CPAMD8: variants seen among roughly 807,000 people sequenced by gnomAD.
CPAMD8 encodes the protein C3 and PZP-like alpha-2-macroglobulin domain-containing protein 8.
CPAMD8 carries 146 observed loss-of-function variants against 224.7 expected under a neutral mutation model. The ratio of observed to expected loss-of-function variants is 0.65; its 90% CI spans 0.57 to 0.75. The LOEUF is 0.75. CPAMD8 is among the 30% of genes least tolerant of loss of function. The pLI is 0.00. For missense variants in CPAMD8, 2,301 were observed against 2,537.5 expected, an observed-to-expected ratio of 0.91 and a Z score of 2.00; for synonymous variants, 966 against 1,044.6, an observed-to-expected ratio of 0.92 and a Z score of 1.45.
At chr19:16,974,128 A>C (rs1298555793) in intron 17 of CPAMD8, among the ~76,000 whole-genome samples, 2 of 150,038 alleles carry the variant, frequency 1.3e-5, no homozygotes, top group Non-Finnish European at 1.5e-5. Context: ...GCGCTCAGCC[A>C]GCATTAGCCC....
At chr19:16,950,793 GAAAA>G (rs757775739) in intron 20 of CPAMD8, among the ~76,000 whole-genome samples, 3 of 45,884 alleles carry the variant, frequency 6.5e-5, no homozygotes, top group African/African-American at 8.6e-5. Context: ...ACCCTGTCTC[GAAAA>G]AAAAAAAAAA....
chr19:16,975,371 C>T (rs893561413), intron 16 of CPAMD8, 113 bp from the exon 17 acceptor site: 2 of 807,112 alleles, frequency 2.5e-6, no homozygotes, highest in African/African-American at 1.7e-5. Context: ...GTCATGACAA[C>T]CTCCAGGAGA....
rs553500267 is a variant in CPAMD8 at position 16,906,407 on chromosome 19, T to TTTCCTTCCTTCCTTCC, written c.4027+529_4027+544dup. Among the ~76,000 whole-genome samples the TTTCCTTCCTTCCTTCC allele has an allele frequency of 1.8e-3, 126 of 69,866 alleles. 3 individuals carry two copies. The highest frequency in any genetic ancestry group is 5.1e-3 in the African/African-American group (79 of 15,486). The allele number at this position is 69,866 out of a possible 152,430, so 45.8% of individuals were successfully genotyped here. A position where few individuals can be genotyped will look rare whatever the true frequency, so the allele number is the denominator to read the frequency against. ...CTTTCTTTCTTTCTTTCTTTCTTTCTTTCCTTCCTTCCTTCCTTCCTTCCT... is the reference window on the plus strand; with the variant it reads ...CTTTCTTTCTTTCTTTCTTTCTTTCTTTCCTTCCTTCCTTCCTTCCTTCCTTCCTTCCTTCCTTCCT... On this transcript the variant is annotated intron_variant, in intron 30 of 41. Coordinates refer to ENST00000443236, the MANE Select transcript of CPAMD8 (RefSeq NM_015692.5).
chr19:16,902,409 C>T (rs748681066), intron 35 of CPAMD8, among the ~76,000 whole-genome samples: 2 of 151,950 alleles, frequency 1.3e-5, no homozygotes, highest in East Asian at 1.9e-4. Flanking sequence ...CCCAGCTACT[C>T]GGGAGGCTGA....
intron 41 of CPAMD8, 27 bp from the exon 42 acceptor site, chr19:16,893,366 A>C: frequency 6.9e-7 from 1 of 1,441,462 alleles, no homozygotes. Context: ...ATCTTACAAC[A>C]TCCTCTACAG....
chr19:16,934,027 G>T (rs1303878863), intron 23 of CPAMD8, among the ~76,000 whole-genome samples: 1 of 152,134 alleles, frequency 6.6e-6, no homozygotes, highest in Admixed American at 6.5e-5. Context: ...ATTGACACAT[G>T]CACCATGGAT....
intron 29 of CPAMD8, among the ~76,000 whole-genome samples, chr19:16,911,440 C>T (rs916016537): frequency 1.3e-5 from 2 of 151,854 alleles, no homozygotes; most frequent in Non-Finnish European, 2.9e-5. Flanking sequence ...TGGCTCACTG[C>T]AACCTCTGCC....
intron 1 of CPAMD8, among the ~76,000 whole-genome samples, chr19:17,022,971 A>G (rs570028684): frequency 8.7e-4 from 133 of 152,266 alleles, no homozygotes; most frequent in African/African-American, 2.7e-3. Context: ...AACCCCAGAG[A>G]AGTCAAGTCA....
chr19:17,009,145 G>T (rs77743556), intron 6 of CPAMD8, 158 bp downstream of exon 6: 5 of 1,152,066 alleles, frequency 4.3e-6, no homozygotes, highest in African/African-American at 1.6e-5. Flanking sequence ...ATCCCAGGGC[G>T]GACCCAGGGA....
chr19:16,943,007 T>TCTTTTG (rs1191869293), intron 22 of CPAMD8, among the ~76,000 whole-genome samples: 2 of 127,886 alleles, frequency 1.6e-5, no homozygotes, highest in African/African-American at 6.8e-5. Context: ...CTTTTTTCTT[T>TCTTTTG]TTTCTTTTTT....
At chr19:16,959,195 A>G (rs938341685) in intron 18 of CPAMD8, among the ~76,000 whole-genome samples, 5 of 126,456 alleles carry the variant, frequency 4.0e-5, no homozygotes, top group African/African-American at 1.5e-4. Flanking sequence ...TTTTTTTGAG[A>G]TGGAGTCTTG....
intron 22 of CPAMD8, among the ~76,000 whole-genome samples, chr19:16,942,255 C>T (rs933920786): frequency 2.3e-4 from 35 of 151,872 alleles, no homozygotes; most frequent in Non-Finnish European, 3.7e-4. Flanking sequence ...TGAGGTCAGG[C>T]GTTCAAGACC....
At chr19:16,927,938 A>G in intron 25 of CPAMD8, 71 bp downstream of exon 25, 1 of 1,143,130 alleles carries the variant, frequency 8.7e-7, no homozygotes, top group Non-Finnish European at 1.3e-6. Context: ...CCAGCTTGAG[A>G]CTAAGCCTGG....
Position 16,903,541 on chromosome 19 carries a change from C to G in CPAMD8, c.4470+20G>C. 6.2e-7 allele frequency: 1 copy of G among 1,613,902 alleles called. No homozygotes were observed. Among genetic ancestry groups the G allele is most frequent in the Non-Finnish European group, 8.5e-7 (1 of 1,179,984 alleles). On this transcript the variant is annotated intron_variant, in intron 34 of 41. Transcript: ENST00000443236. ...CAGGAGGACAAGCCCAAGATCACCT[C>G]GTGCTCCCCAAAACCTCACCTGCAT...
At chr19:16,937,815 G>C (rs1387286467) in intron 23 of CPAMD8, among the ~76,000 whole-genome samples, 2 of 152,106 alleles carry the variant, frequency 1.3e-5, no homozygotes, top group African/African-American at 4.8e-5. Flanking sequence ...ACCACGACCA[G>C]CTAATTTTTT....
intron 14 of CPAMD8, among the ~76,000 whole-genome samples, chr19:16,978,080 G>A (rs148435337): frequency 0.01 from 1,598 of 152,228 alleles, 18 homozygotes; most frequent in African/African-American, 0.027. Context: ...AATACTCTAC[G>A]GCAAGAGAAT....
chr19:16,938,876 C>A (rs2053785067), intron 22 of CPAMD8, among the ~76,000 whole-genome samples: 3 of 152,204 alleles, frequency 2.0e-5, no homozygotes, highest in Admixed American at 2.0e-4. Flanking sequence ...GGACGAGTCT[C>A]CGTCCCACTG....
At chr19:17,011,796 C>T (rs1332032216) in intron 3 of CPAMD8, 39 bp from the exon 4 acceptor site, 2 of 1,598,826 alleles carry the variant, frequency 1.3e-6, no homozygotes, top group East Asian at 4.5e-5. Context: ...AAGAATTCAC[C>T]CTGGAATGGG....
chr19:17,000,371 C>G (rs2056270004), intron 10 of CPAMD8, 43 bp downstream of exon 10: 1 of 774,478 alleles, frequency 1.3e-6, no homozygotes, highest in African/African-American at 1.7e-5. Flanking sequence ...GGAGGTGAAC[C>G]TGGGGGTTGG....
Sources: gnomAD v4.1 joint callset for allele counts (sites outside exome capture counted in the v4.1 genomes callset) on GRCh38, gnomAD v4.1.1 for gene constraint, MANE v1.5 for transcripts, NCBI Gene and HGNC (gene_info 2026-07-23, HGNC 2026-07-21) for gene names.